The following PGS1 variants were observed in gnomAD, a reference collection of about 807,000 sequenced individuals.
The protein encoded by PGS1 is CDP-diacylglycerol--glycerol-3-phosphate 3-phosphatidyltransferase, mitochondrial.
Under a neutral mutation model 58.3 loss-of-function variants are expected in PGS1, and 44 were observed. The ratio of observed to expected loss-of-function variants is 0.75; its 90% CI spans 0.59 to 0.97. The LOEUF (loss-of-function observed/expected upper bound fraction) is 0.97, where lower values mean the gene tolerates loss of function less well. Ranked by LOEUF, PGS1 falls within the 50% of genes least tolerant of loss-of-function variation. The pLI is 0.00. For synonymous variants in PGS1, 330 were observed against 311.0 expected (o/e 1.06, Z -0.64); for missense variants, 684 against 731.1 (o/e 0.94, Z 0.74).
At chr17:78,419,983 C>T in intron 9 of PGS1, 1 of 1,173,514 alleles carries the variant, frequency 8.5e-7, no homozygotes, top group South Asian at 1.7e-5. Flanking sequence ...TGAAGAAGCC[C>T]TGGGGCAAGG....
chr17:78,414,802 G>C, intron 7 of PGS1, 77 bp from the exon 8 acceptor site: 6 of 1,541,918 alleles, frequency 3.9e-6, no homozygotes, highest in Non-Finnish European at 5.3e-6. Context: ...CTTTCTCTTA[G>C]ATTGCAGCAG....
chr17:78,415,769 C>CA (rs2085129544), intron 8 of PGS1, among the ~76,000 whole-genome samples: 2 of 152,226 alleles, frequency 1.3e-5, no homozygotes, highest in Admixed American at 1.3e-4. Flanking sequence ...TGACCTGTGA[C>CA]AGTGTGGTTA....
rs947884573 is a variant in PGS1 at position 78,400,549 on chromosome 17, A to G, written c.702-128A>G. 2.0e-5 allele frequency: 15 copies of G among 743,446 alleles called. No homozygotes were observed. The highest frequency in any genetic ancestry group is 6.4e-5 in the South Asian group (4 of 62,296). 46.1% of individuals were successfully genotyped at this position (743,446 alleles called of 1,614,324 possible). On this transcript the variant is annotated intron_variant, in intron 5 of 9. Transcript: ENST00000262764. This position sits in a 1 kb window ranked among gnomAD's most constrained non-coding sequence, Gnocchi z 4.4. ...TGCACGTGTTCATTGCTGAGTAGCT[A>G]TTTGTTAACTGCATCTTGACCTGAG...
At chr17:78,385,075 C>T (rs1039186064) in intron 1 of PGS1, among the ~76,000 whole-genome samples, 2 of 152,232 alleles carry the variant, frequency 1.3e-5, no homozygotes, top group East Asian at 3.9e-4. Flanking sequence ...GGAAAACCGT[C>T]TCCTCCAAAA....
intron 1 of PGS1, among the ~76,000 whole-genome samples, chr17:78,388,386 A>G (rs531055513): frequency 5.3e-5 from 8 of 152,278 alleles, no homozygotes; most frequent in African/African-American, 1.9e-4. Context: ...TTCTGCTGAA[A>G]GTGGTCTTGT....
At position 78,420,041 on chromosome 17, in the gene PGS1, A is replaced by C. The variant is rs2085563795; in HGVS notation, c.*10+366A>C. 3 of 1,115,238 alleles carry C rather than the reference A, an allele frequency of 2.7e-6. No homozygotes were observed. In the South Asian group the frequency reaches 6.5e-5, roughly 24 times the overall value. 69.1% of individuals were successfully genotyped at this position (1,115,238 alleles called of 1,614,324 possible). On this transcript the variant is annotated intron_variant, in intron 9 of 9. Transcript: ENST00000262764. ...AGGCAGATTGAGCCCCTCCAAGCTG[A>C]GCACACTGGTGCAGGAGATGTAGAC...
At chr17:78,415,244 G>A (rs2085077392) in intron 8 of PGS1, among the ~76,000 whole-genome samples, 1 of 152,210 alleles carries the variant, frequency 6.6e-6, no homozygotes, top group African/African-American at 2.4e-5. Context: ...TGCACCCCAC[G>A]TCCTGGGGAC....
At chr17:78,405,948 C>T (rs1383928990) in intron 7 of PGS1, among the ~76,000 whole-genome samples, 5 of 152,146 alleles carry the variant, frequency 3.3e-5, no homozygotes, top group Admixed American at 1.3e-4. Context: ...AGGCATCTTC[C>T]GGTGCTCAGG....
intron 8 of PGS1, among the ~76,000 whole-genome samples, chr17:78,416,537 C>T (rs1358230202): frequency 6.8e-6 from 1 of 147,818 alleles, no homozygotes; most frequent in African/African-American, 2.7e-5. Context: ...CGTCCTCCCC[C>T]ACTGCCCTAG....
At position 78,400,879 on chromosome 17, in the gene PGS1, TC is replaced by T. The variant is rs2083603037; in HGVS notation, c.880+25del. On this transcript the variant is annotated intron_variant, in intron 6 of 9. Coordinates refer to ENST00000262764, the MANE Select transcript of PGS1 (RefSeq NM_024419.5). The surrounding 1 kb of genome is among the most constrained non-coding windows in gnomAD (Gnocchi z 4.4). Reference sequence around the variant, plus strand: ...AGGTAGGGGCTGCCGCTGACACCCTTCTATGGCTGTGGGTGGGGTGGAGTGA... The same window carrying T: ...AGGTAGGGGCTGCCGCTGACACCCTTTATGGCTGTGGGTGGGGTGGAGTGA... 4.5e-6 allele frequency: 7 copies of T among 1,556,542 alleles called. No homozygotes were observed. The highest frequency in any genetic ancestry group is 6.1e-6 in the Non-Finnish European group (7 of 1,146,394).
intron 3 of PGS1, 39 bp from the exon 4 acceptor site, chr17:78,398,213 T>G: frequency 7.1e-7 from 1 of 1,398,992 alleles, no homozygotes; most frequent in Non-Finnish European, 1.0e-6. Context: ...ACACACCTCT[T>G]TGGGTCTTAA....
Position 78,392,525 on chromosome 17 carries a change from G to C in PGS1, c.193G>C (p.Val65Leu). The change falls in exon 2 of 10, where the codon GTC (valine) becomes CTC (leucine). Residue 65 changes from valine (V) to leucine (L), a missense_variant. Coordinates refer to ENST00000262764, the MANE Select transcript of PGS1 (RefSeq NM_024419.5). ...APLLSPAVPQ[V>L]TSPPCCLCPE... ...CTTGCTGTCCCCAGCTGTTCCCCAG[G>C]TCACCTCCCCACCTTGCTGCCTGTG... 1.2e-6 allele frequency: 2 copies of C among 1,614,018 alleles called. No individual in the cohort carries two copies. Among genetic ancestry groups the C allele is most frequent in the Non-Finnish European group, 1.7e-6 (2 of 1,179,970 alleles).
rs1167378135 is a variant in PGS1 at position 78,403,721 on chromosome 17, C to T, written c.1034C>T (p.Pro345Leu). ...GCAGCAGCTGCTGGGGATCGCAGAC[C>T]AGCCCCTGACACCTGGATTTATCCG... ...EDAAAAGDRRPAPDTWIYPLI... is the reference protein window; with the variant it reads ...EDAAAAGDRRLAPDTWIYPLI... The change falls in exon 7 of 10, where the codon CCA becomes CTA. Residue 345 changes from proline to leucine, a missense_variant. Physicochemically the swap from Pro to Leu is moderately conservative, Grantham distance 98. Transcript: ENST00000262764. The T allele has an allele frequency of 1.2e-6, 2 of 1,614,092 alleles. No individual in the cohort carries two copies. Among genetic ancestry groups the T allele is most frequent in the Non-Finnish European group, 1.7e-6 (2 of 1,180,046 alleles).
At chr17:78,412,341 C>T (rs185866365) in intron 7 of PGS1, among the ~76,000 whole-genome samples, 3 of 151,968 alleles carry the variant, frequency 2.0e-5, no homozygotes, top group African/African-American at 4.8e-5. Flanking sequence ...ATGTTGAAAA[C>T]GTGAGCTACC....
At chr17:78,404,818 G>C (rs1003851115) in intron 7 of PGS1, among the ~76,000 whole-genome samples, 3 of 152,018 alleles carry the variant, frequency 2.0e-5, no homozygotes, top group Non-Finnish European at 4.4e-5. Context: ...GTACCACCAC[G>C]CCTGACTAAT....
At chr17:78,422,781 C>CCTGCTTTTCTTTGAAGCCTGAGAAAT (rs2085993423) in intron 9 of PGS1, among the ~76,000 whole-genome samples, 1 of 152,082 alleles carries the variant, frequency 6.6e-6, no homozygotes, top group African/African-American at 2.4e-5. Context: ...GCTGCAGCGG[C>CCTGCTTTTCTTTGAAGCCTGAGAAAT]CTGCTTTTCT....
chr17:78,390,122 G>A (rs1044492603), intron 1 of PGS1, among the ~76,000 whole-genome samples: 1 of 142,566 alleles, frequency 7.0e-6, no homozygotes, highest in Non-Finnish European at 1.5e-5. Flanking sequence ...TTGGGGCCTC[G>A]GGTTGATGGG....
chr17:78,384,429 A>T (rs1470336081), intron 1 of PGS1, among the ~76,000 whole-genome samples: 1 of 152,196 alleles, frequency 6.6e-6, no homozygotes, highest in Non-Finnish European at 1.5e-5. Flanking sequence ...ACTTTTTTAC[A>T]TTTAAATATC....
chr17:78,410,581 C>T (rs1343406224), intron 7 of PGS1, among the ~76,000 whole-genome samples: 1 of 140,100 alleles, frequency 7.1e-6, no homozygotes, highest in South Asian at 2.4e-4. Context: ...TTAAGCCATT[C>T]TTCTGCTTCA....
Sources: allele counts gnomAD v4.1 joint callset (sites outside exome capture counted in the v4.1 genomes callset), GRCh38; gene constraint gnomAD v4.1.1; non-coding constraint Gnocchi (gnomAD v3.1); transcripts MANE v1.5; gene names NCBI Gene and HGNC (gene_info 2026-07-23, HGNC 2026-07-21).